The following KCNIP1 variants were observed in gnomAD, a reference collection of about 807,000 sequenced individuals.
The protein encoded by KCNIP1 is A-type potassium channel modulatory protein KCNIP1.
A neutral mutation model predicts 33.0 loss-of-function variants in KCNIP1; 18 were observed. The ratio of observed to expected loss-of-function variants is 0.55; its 90% CI spans 0.38 to 0.81. KCNIP1 has a LOEUF of 0.81. Ranked by LOEUF, KCNIP1 falls within the 30% of genes least tolerant of loss-of-function variation. The pLI is 0.00. For missense variants in KCNIP1, 238 were observed against 271.6 expected, an observed-to-expected ratio of 0.88 and a Z score of 0.87; for synonymous variants, 93 against 98.3, an observed-to-expected ratio of 0.95 and a Z score of 0.32.
chr5:170,718,762 G>C lies in KCNIP1; in HGVS notation c.66G>C (p.Lys22Asn). Reference sequence around the variant, plus strand: ...TGCCATCTCCTCTGGTTCCAGATAAGATTGAAGATGAGCTGGAGATGACCA... The same window carrying C: ...TGCCATCTCCTCTGGTTCCAGATAACATTGAAGATGAGCTGGAGATGACCA... ...QTKQRRPSKDKIEDELEMTMV... is the reference protein window; with the variant it reads ...QTKQRRPSKDNIEDELEMTMV... Residue 22 changes from lysine (K) to asparagine (N), a missense_variant, in exon 2 of 8, where the codon AAG (lysine) becomes AAC (asparagine). By Grantham distance (94) the Lys-to-Asn change is moderately conservative. Transcript: ENST00000328939. 6.2e-7 allele frequency: 1 copy of C among 1,613,610 alleles called. No individual in the cohort carries two copies. Among genetic ancestry groups the C allele is most frequent in the Non-Finnish European group, 8.5e-7 (1 of 1,179,794 alleles).
chr5:170,682,460 G>A (rs539201129), intron 1 of KCNIP1, among the ~76,000 whole-genome samples: 1 of 152,280 alleles, frequency 6.6e-6, no homozygotes, highest in Admixed American at 6.5e-5. Context: ...TTTAGCTTTA[G>A]CTAAAATTTA....
intron 1 of KCNIP1, among the ~76,000 whole-genome samples, chr5:170,436,949 C>T (rs1464784284): frequency 6.6e-6 from 1 of 152,172 alleles, no homozygotes; most frequent in African/African-American, 2.4e-5. Flanking sequence ...GACAGACTCA[C>T]AAGAGAAAAG....
At position 170,733,826 on chromosome 5, in the gene KCNIP1, T is replaced by C. The variant is rs190328280; in HGVS notation, c.541-10T>C. 3 of 1,609,644 alleles carry C rather than the reference T, an allele frequency of 1.9e-6. No individual in the cohort carries two copies. The highest frequency in any genetic ancestry group is 2.6e-6 in the Non-Finnish European group (3 of 1,175,970). ...AGATTCTGTAAAGTGCTTTCTGTTA[T>C]GTCTTTCAGAAAATGGACAAAAATA... On this transcript the variant is annotated splice_polypyrimidine_tract_variant and intron_variant, in intron 6 of 7. Transcript: ENST00000328939.
chr5:170,371,937 C>G (rs1201717092), intron 1 of KCNIP1, among the ~76,000 whole-genome samples: 2 of 152,188 alleles, frequency 1.3e-5, no homozygotes, highest in Non-Finnish European at 2.9e-5. Context: ...CTGATACCAA[C>G]TAGTTTGGAC....
At chr5:170,498,542 T>A (rs1757353632) in intron 1 of KCNIP1, among the ~76,000 whole-genome samples, 1 of 152,198 alleles carries the variant, frequency 6.6e-6, no homozygotes, top group African/African-American at 2.4e-5. Context: ...CTAGCCTGAA[T>A]GCAATTTGCA....
intron 1 of KCNIP1, among the ~76,000 whole-genome samples, chr5:170,449,558 CCT>C (rs1434970470): frequency 1.6e-4 from 25 of 152,188 alleles, no homozygotes; most frequent in Non-Finnish European, 3.2e-4. Context: ...AATTGCTCAG[CCT>C]CTCTGTGCTT....
intron 1 of KCNIP1, among the ~76,000 whole-genome samples, chr5:170,630,209 A>G (rs1230476566): frequency 6.6e-6 from 1 of 152,254 alleles, no homozygotes; most frequent in African/African-American, 2.4e-5. Context: ...AAGGTTAGAT[A>G]CAGGACCTGA....
intron 1 of KCNIP1, among the ~76,000 whole-genome samples, chr5:170,716,979 T>G (rs915614971): frequency 6.6e-6 from 1 of 152,230 alleles, no homozygotes; most frequent in Non-Finnish European, 1.5e-5. Context: ...TTGCTTCATC[T>G]CCTTTCTTCA....
Position 170,735,869 on chromosome 5 carries a change from G to A in KCNIP1, c.*63G>A. The stretch of plus-strand genomic sequence containing the variant: ...TACTAAACAACCACCTTAACACCCT[G>A]ATCTGCCCTTGTTCTGATTTTACAC... On this transcript the variant is annotated 3_prime_UTR_variant, in exon 8 of 8. Transcript: ENST00000328939. 7.2e-7 allele frequency: 1 copy of A among 1,391,474 alleles called. No individual in the cohort carries two copies. The highest frequency in any genetic ancestry group is 1.0e-6 in the Non-Finnish European group (1 of 979,390). The allele number at this position is 1,391,474 out of a possible 1,614,324, so 86.2% of individuals were successfully genotyped here. A position where few individuals can be genotyped will look rare whatever the true frequency, so the allele number is the denominator to read the frequency against.
In KCNIP1 at chr5:170,600,549, C is replaced by T. The variant is rs541934700; in HGVS notation, c.61+95916C>T. On this transcript the variant is annotated intron_variant, in intron 1 of 7. Coordinates refer to ENST00000328939, the MANE Select transcript of KCNIP1 (RefSeq NM_014592.4). ...ATCCTCTGTGTGCCCACGCCTACCTCCTCTCTACCTCACCCACCCTGGACA... is the reference window on the plus strand; with the variant it reads ...ATCCTCTGTGTGCCCACGCCTACCTTCTCTCTACCTCACCCACCCTGGACA... 4.7e-4 allele frequency among the ~76,000 whole-genome samples: 71 copies of T among 152,268 alleles called. 2 individuals carry two copies. The South Asian group carries it at 0.014, about 30-fold the overall frequency.
chr5:170,423,253 A>G (rs1012753451), intron 1 of KCNIP1, among the ~76,000 whole-genome samples: 1 of 150,946 alleles, frequency 6.6e-6, no homozygotes, highest in Non-Finnish European at 1.5e-5. Context: ...TGGTCTTTTG[A>G]CTCTAATACC....
At chr5:170,400,751 G>A (rs888396939) in intron 1 of KCNIP1, among the ~76,000 whole-genome samples, 4 of 152,192 alleles carry the variant, frequency 2.6e-5, no homozygotes, top group Admixed American at 6.5e-5. Context: ...CATGATGTTA[G>A]TACCTTAGAG....
chr5:170,468,144 T>A (rs1381044900), intron 1 of KCNIP1, among the ~76,000 whole-genome samples: 1 of 152,202 alleles, frequency 6.6e-6, no homozygotes, highest in Non-Finnish European at 1.5e-5. Context: ...CTTACTGTAT[T>A]TAAATAAGAT....
intron 5 of KCNIP1, among the ~76,000 whole-genome samples, chr5:170,725,175 T>C (rs1763967536): frequency 6.6e-6 from 1 of 152,158 alleles, no homozygotes; most frequent in Non-Finnish European, 1.5e-5. Flanking sequence ...CACTGCTGGC[T>C]ATATACCCCA....
At chr5:170,621,325 G>A (rs1021197146) in intron 1 of KCNIP1, among the ~76,000 whole-genome samples, 1 of 151,898 alleles carries the variant, frequency 6.6e-6, no homozygotes, top group South Asian at 2.1e-4. Context: ...TGCTTTCCAG[G>A]GCTAGTGTAG....
intron 1 of KCNIP1, among the ~76,000 whole-genome samples, chr5:170,600,458 G>T (rs1758648889): frequency 6.6e-6 from 1 of 151,910 alleles, no homozygotes; most frequent in Non-Finnish European, 1.5e-5. Flanking sequence ...CTACTCTTGG[G>T]AGCCTTTTTT....
At chr5:170,670,920 A>AT (rs1353010427) in intron 1 of KCNIP1, among the ~76,000 whole-genome samples, 2 of 151,848 alleles carry the variant, frequency 1.3e-5, no homozygotes, top group Non-Finnish European at 2.9e-5. Flanking sequence ...AAAATAAAAA[A>AT]AAAAGAAGAG....
At chr5:170,450,826 C>G (rs1027609274) in intron 1 of KCNIP1, among the ~76,000 whole-genome samples, 1 of 152,134 alleles carries the variant, frequency 6.6e-6, no homozygotes, top group Non-Finnish European at 1.5e-5. Context: ...GCAAGCTGAG[C>G]GCTCATCACA....
At chr5:170,362,246 A>C (rs1297745620) in intron 1 of KCNIP1, among the ~76,000 whole-genome samples, 1 of 152,210 alleles carries the variant, frequency 6.6e-6, no homozygotes, top group Non-Finnish European at 1.5e-5. Flanking sequence ...AAGCATAGCC[A>C]CAACTGGAAG....
Sources: allele counts gnomAD v4.1 joint callset (sites outside exome capture counted in the v4.1 genomes callset), GRCh38; gene constraint gnomAD v4.1.1; transcripts MANE v1.5; gene names NCBI Gene and HGNC (gene_info 2026-07-23, HGNC 2026-07-21).